Variants in ARFGEF3 observed in about 807,000 individuals in gnomAD.
The protein encoded by ARFGEF3 is ARFGEF family member 3, also known as brefeldin A-inhibited guanine nucleotide-exchange protein 3.
Under a neutral mutation model 221.7 loss-of-function variants are expected in ARFGEF3, and 96 were observed. The observed-to-expected ratio is 0.43, with a 90% CI of 0.37 to 0.51. ARFGEF3 has a LOEUF of 0.51. Among genes scored for constraint, ARFGEF3 ranks in the 20% least tolerant of loss-of-function variants. The probability of loss-of-function intolerance (pLI) is 0.00; values close to 1 mark genes in which losing one functional copy is unlikely to be tolerated. For missense variants in ARFGEF3, 2,410 were observed against 2,789.9 expected, an observed-to-expected ratio of 0.86 and a Z score of 3.07; for synonymous variants, 1,145 against 1,126.8, an observed-to-expected ratio of 1.02 and a Z score of -0.32.
chr6:138,272,354 A>T (rs531347098), intron 12 of ARFGEF3, among the ~76,000 whole-genome samples: 3 of 152,220 alleles, frequency 2.0e-5, no homozygotes, highest in African/African-American at 7.2e-5. Context: ...ACGTGGTTTC[A>T]CCATGTTGGT....
At chr6:138,294,925 G>A (rs1431172375) in intron 20 of ARFGEF3, among the ~76,000 whole-genome samples, 1 of 152,196 alleles carries the variant, frequency 6.6e-6, no homozygotes, top group African/African-American at 2.4e-5. Context: ...AAAGTTCTAA[G>A]TGTAGTATAT....
At chr6:138,256,417 T>G (rs1047680757) in intron 10 of ARFGEF3, among the ~76,000 whole-genome samples, 9 of 152,206 alleles carry the variant, frequency 5.9e-5, no homozygotes, top group African/African-American at 2.2e-4. Flanking sequence ...TGTGAATATG[T>G]TCATAAAGGT....
In ARFGEF3 at chr6:138,341,160, C is replaced by A. The variant is rs535040142; in HGVS notation, c.*4674C>A. 2 of 152,688 alleles carry A rather than the reference C, an allele frequency of 1.3e-5. No individual in the cohort carries two copies. The highest frequency in any genetic ancestry group is 4.8e-5 in the African/African-American group (2 of 41,586). 9.5% of individuals were successfully genotyped at this position (152,688 alleles called of 1,614,324 possible). A position where few individuals can be genotyped will look rare whatever the true frequency, so the allele number is the denominator to read the frequency against. On this transcript the variant is annotated 3_prime_UTR_variant, in exon 34 of 34. Transcript: ENST00000251691. ...CAATTTGTAAACCTTTTTCAAATAT[C>A]ATTTAATCAACTCAGAATAAAGTGC...
chr6:138,170,616 T>G, intron 1 of ARFGEF3, 46 bp from the exon 2 acceptor site: 1 of 1,004,230 alleles, frequency 1.0e-6, no homozygotes, highest in South Asian at 1.3e-5. Flanking sequence ...ATGTATATTC[T>G]CAGTGTTTAA....
rs191191993 is a variant in ARFGEF3, at chr6:138,189,131, A to C, written c.138-17911A>C. ...GAAGGTACTGCAAAGCTTTTAGCAG[A>C]GGACAGGAGCTGTAACTTCAGAAGG... On this transcript the variant is annotated intron_variant, in intron 2 of 33. Transcript: ENST00000251691. Among the ~76,000 whole-genome samples the C allele has an allele frequency of 4.2e-3, 641 of 152,332 alleles. 4 individuals carry two copies. Among genetic ancestry groups the C allele is most frequent in the Non-Finnish European group, 7.8e-3 (528 of 68,028 alleles).
intron 2 of ARFGEF3, among the ~76,000 whole-genome samples, chr6:138,197,926 T>G (rs571435128): frequency 6.6e-6 from 1 of 152,238 alleles, no homozygotes; most frequent in East Asian, 1.9e-4. Context: ...AAAGAAAAAA[T>G]TCTCCCATGC....
At position 138,263,079 on chromosome 6, in the gene ARFGEF3, C is replaced by A. The variant is rs778293952; in HGVS notation, c.1596C>A (p.His532Gln). The part of the protein sequence containing the change: ...QTTPEDHSGN[H>Q]KNSLKSPAIP... ...CACCCGAGGACCATTCGGGAAACCACAAGAACAGTCTCAAGTCGCCAGCCA... is the reference window on the plus strand; with the variant it reads ...CACCCGAGGACCATTCGGGAAACCAAAAGAACAGTCTCAAGTCGCCAGCCA... Residue 532 changes from histidine to glutamine, a missense_variant, in exon 12 of 34, where the codon CAC becomes CAA. Transcript: ENST00000251691. 6.2e-7 allele frequency: 1 copy of A among 1,613,788 alleles called. No individual in the cohort carries two copies. The highest frequency in any genetic ancestry group is 1.3e-5 in the African/African-American group (1 of 75,054).
intron 4 of ARFGEF3, chr6:138,216,751 G>C (rs1415191681): frequency 6.6e-6 from 1 of 152,194 alleles, no homozygotes; most frequent in African/African-American, 2.4e-5. Context: ...AATCTCTAGC[G>C]TTAAGGAAAA....
chr6:138,250,931 T>C (rs932389980), intron 8 of ARFGEF3, among the ~76,000 whole-genome samples: 7 of 152,366 alleles, frequency 4.6e-5, no homozygotes, highest in African/African-American at 1.7e-4. Flanking sequence ...CTTACTTGTT[T>C]GTACAAGGAC....
At chr6:138,265,044 C>T (rs1183713909) in intron 12 of ARFGEF3, among the ~76,000 whole-genome samples, 2 of 151,848 alleles carry the variant, frequency 1.3e-5, no homozygotes, top group East Asian at 1.9e-4. Context: ...GCTGGGACTA[C>T]AGGCGCCCAC....
At chr6:138,295,930 T>G (rs1779503720) in intron 20 of ARFGEF3, among the ~76,000 whole-genome samples, 1 of 152,188 alleles carries the variant, frequency 6.6e-6, no homozygotes, top group Non-Finnish European at 1.5e-5. Flanking sequence ...AAGGTATATA[T>G]GAAACAGAAA....
chr6:138,176,713 G>A (rs1776955994), intron 2 of ARFGEF3, among the ~76,000 whole-genome samples: 1 of 151,630 alleles, frequency 6.6e-6, no homozygotes, highest in Admixed American at 6.6e-5. Context: ...TAAGACCTGT[G>A]AGCTTTTGTG....
chr6:138,194,497 G>A (rs367941136), intron 2 of ARFGEF3, among the ~76,000 whole-genome samples: 2 of 152,170 alleles, frequency 1.3e-5, no homozygotes, highest in African/African-American at 4.8e-5. Context: ...AAATGCATGT[G>A]TTCTGTGATC....
Position 138,263,397 on chromosome 6 carries a change from C to A in ARFGEF3, c.1914C>A (p.Ala638=). The change falls in exon 12 of 34, where the codon GCC becomes GCA. Residue 638 remains alanine (A), a synonymous_variant. Transcript: ENST00000251691. ...TTGGGTCGGACAACTGTTCACTAGC[C>A]GATGAAGAGCAGACACCCCGGGACT... is the stretch of plus-strand genomic sequence containing the variant. The part of the protein sequence containing the change: ...SDIGSDNCSL[A]DEEQTPRDCL... The A allele has an allele frequency of 6.2e-7, 1 of 1,613,958 alleles. No individual in the cohort carries two copies. The highest frequency in any genetic ancestry group is 1.3e-5 in the African/African-American group (1 of 75,032).
At position 138,291,685 on chromosome 6, in the gene ARFGEF3, CG is replaced by C; in HGVS notation, c.3048-44del. Reference sequence around the variant, plus strand: ...GGCACTGTGGGGTTTATGGAGCTGCCGGGGTGAGCTGCAGCGCCTAACAGCT... The same window carrying C: ...GGCACTGTGGGGTTTATGGAGCTGCCGGGTGAGCTGCAGCGCCTAACAGCT... On this transcript the variant is annotated intron_variant, in intron 18 of 33. Transcript: ENST00000251691. The surrounding 1 kb of genome is among the most constrained non-coding windows in gnomAD (Gnocchi z 4.5). 1 of 1,260,144 alleles carries C rather than the reference CG, an allele frequency of 7.9e-7. No individual in the cohort carries two copies. The allele number at this position is 1,260,144 out of a possible 1,614,324, so 78.1% of individuals were successfully genotyped here.
intron 2 of ARFGEF3, among the ~76,000 whole-genome samples, chr6:138,182,531 T>C (rs576206507): frequency 9.9e-5 from 15 of 152,150 alleles, no homozygotes; most frequent in African/African-American, 3.6e-4. Flanking sequence ...CTGAGGGGAG[T>C]GTCATGAATT....
In ARFGEF3 at chr6:138,287,186, T is replaced by TAAC; in HGVS notation, c.2896+6_2896+8dup. 1 of 1,557,632 alleles carries TAAC rather than the reference T, an allele frequency of 6.4e-7. No individual in the cohort carries two copies. Among genetic ancestry groups the TAAC allele is most frequent in the South Asian group, 1.2e-5 (1 of 84,336 alleles). On this transcript the variant is annotated splice_region_variant and intron_variant, in intron 17 of 33. Transcript: ENST00000251691. ...AACCCAGTGATGCCATCACACAAGG[T>TAAC]AACAACTGGAGGGCCAGAACCCACC...
intron 2 of ARFGEF3, among the ~76,000 whole-genome samples, chr6:138,194,268 CAAAA>C (rs11349885): frequency 5.4e-5 from 5 of 92,960 alleles, no homozygotes; most frequent in Admixed American, 1.1e-4. Context: ...ACTCCGTCTC[CAAAA>C]AAAAAAAAAA....
chr6:138,317,701 T>G (rs1328365658), intron 27 of ARFGEF3, among the ~76,000 whole-genome samples: 2 of 152,202 alleles, frequency 1.3e-5, no homozygotes, highest in Non-Finnish European at 2.9e-5. Context: ...GCTATTTCCA[T>G]GGTCACAGCC....
Sources: gnomAD v4.1 joint callset for allele counts (sites outside exome capture counted in the v4.1 genomes callset) on GRCh38, gnomAD v4.1.1 for gene constraint, Gnocchi (gnomAD v3.1) non-coding constraint, MANE v1.5 for transcripts, NCBI Gene and HGNC (gene_info 2026-07-23, HGNC 2026-07-21) for gene names.